MTHFD1L: variants seen among roughly 807,000 people sequenced by gnomAD.
The protein encoded by MTHFD1L is monofunctional C1-tetrahydrofolate synthase, mitochondrial.
In MTHFD1L, 81 loss-of-function variants were observed where a neutral mutation model predicts 119.5. The ratio of observed to expected loss-of-function variants is 0.68; its 90% confidence interval spans 0.57 to 0.82. The LOEUF (loss-of-function observed/expected upper bound fraction) is 0.82, where lower values mean the gene tolerates loss of function less well. MTHFD1L is among the 40% of genes least tolerant of loss of function. The pLI, the probability that MTHFD1L is intolerant of heterozygous loss-of-function variation, is 0.00. For synonymous variants in MTHFD1L, 430 were observed against 475.2 expected (o/e 0.90, Z 1.24); for missense variants, 1,125 against 1,253.4 (o/e 0.90, Z 1.55).
At chr6:150,931,959 C>G (rs1791112593) in intron 11 of MTHFD1L, among the ~76,000 whole-genome samples, 2 of 151,406 alleles carry the variant, frequency 1.3e-5, no homozygotes, top group African/African-American at 4.9e-5. Context: ...GTCAGGAGTT[C>G]GAGACCAGCC....
At chr6:151,059,583 C>T (rs1316870017) in intron 26 of MTHFD1L, among the ~76,000 whole-genome samples, 1 of 152,178 alleles carries the variant, frequency 6.6e-6, no homozygotes, top group Non-Finnish European at 1.5e-5. Context: ...CCATCAGGTC[C>T]TTCCCACAGT....
chr6:151,049,622 A>G (rs1788692276), intron 26 of MTHFD1L, among the ~76,000 whole-genome samples: 1 of 149,538 alleles, frequency 6.7e-6, no homozygotes, highest in South Asian at 2.1e-4. Context: ...AGATCCTGCC[A>G]CTGCACTCCA....
chr6:151,033,278 C>A (rs540579792), intron 24 of MTHFD1L, among the ~76,000 whole-genome samples: 2 of 152,052 alleles, frequency 1.3e-5, no homozygotes, highest in Non-Finnish European at 1.5e-5. Flanking sequence ...CGCTGCCACA[C>A]CCAGCTGATT....
At chr6:151,057,466 A>G (rs1197334432) in intron 26 of MTHFD1L, 2 of 417,190 alleles carry the variant, frequency 4.8e-6, no homozygotes, top group Non-Finnish European at 6.4e-6. Flanking sequence ...CATAATGAAA[A>G]CTCATCTCTA....
chr6:150,930,986 G>T (rs1415556163), intron 11 of MTHFD1L, among the ~76,000 whole-genome samples: 3 of 152,188 alleles, frequency 2.0e-5, no homozygotes, highest in Non-Finnish European at 4.4e-5. Context: ...ATTGGGAATT[G>T]TTCAGGGAAA....
At chr6:151,087,703 G>C (rs764954622) in intron 26 of MTHFD1L, among the ~76,000 whole-genome samples, 4 of 152,120 alleles carry the variant, frequency 2.6e-5, no homozygotes, top group Non-Finnish European at 4.4e-5. Context: ...ATTTCTTAAT[G>C]ACTAGTTTTA....
At chr6:150,886,705 T>C (rs1041308702) in intron 6 of MTHFD1L, among the ~76,000 whole-genome samples, 1 of 151,998 alleles carries the variant, frequency 6.6e-6, no homozygotes, top group Non-Finnish European at 1.5e-5. Flanking sequence ...ATTCAACTAA[T>C]TGGGCCGGCA....
At chr6:150,906,950 G>A (rs1045518794) in intron 8 of MTHFD1L, among the ~76,000 whole-genome samples, 5 of 151,254 alleles carry the variant, frequency 3.3e-5, no homozygotes, top group African/African-American at 1.2e-4. Context: ...CAAACAGAAA[G>A]CATGTACTAA....
chr6:151,059,237 G>C (rs1317922309), intron 26 of MTHFD1L, among the ~76,000 whole-genome samples: 1 of 152,160 alleles, frequency 6.6e-6, no homozygotes, highest in African/African-American at 2.4e-5. Flanking sequence ...TTTAGATGCA[G>C]TCTCACTCTT....
intron 7 of MTHFD1L, among the ~76,000 whole-genome samples, chr6:150,897,448 G>A (rs991327682): frequency 2.6e-5 from 4 of 152,184 alleles, no homozygotes; most frequent in Admixed American, 6.5e-5. Flanking sequence ...ATGGGATTGC[G>A]AAGCCAGTTC....
chr6:151,022,627 G>T (rs1394492530), intron 24 of MTHFD1L, among the ~76,000 whole-genome samples: 1 of 152,164 alleles, frequency 6.6e-6, no homozygotes, highest in Non-Finnish European at 1.5e-5. Context: ...GGTTGTCCTT[G>T]TCCCTGGAAA....
chr6:150,905,527 T>G lies in MTHFD1L; in HGVS notation c.781-123T>G, dbSNP rs992760086. 1.0e-5 allele frequency: 7 copies of G among 691,902 alleles called. No homozygotes were observed. The South Asian group carries it at 1.2e-4, about 12-fold the overall frequency. 42.9% of individuals were successfully genotyped at this position (691,902 alleles called of 1,614,324 possible). A position where few individuals can be genotyped will look rare whatever the true frequency, so the allele number is the denominator to read the frequency against. ...AGGAATTAGTAAAGCGATTCCATCCTTGTCAGCAGCTTGGAACAAAGCTGT... is the reference window on the plus strand; with the variant it reads ...AGGAATTAGTAAAGCGATTCCATCCGTGTCAGCAGCTTGGAACAAAGCTGT... On this transcript the variant is annotated intron_variant, in intron 7 of 27. Transcript: ENST00000367321.
rs764577111 is a variant in MTHFD1L at position 150,926,186 on chromosome 6, T to C, written c.1147T>C (p.Leu383=). The part of the protein sequence containing the change: ...AVDVLAKEIG[L]LADEIEIYGK... ...GGATGTCCTTGCCAAGGAGATTGGA[T>C]TGCTTGCAGATGAAATTGAAATCTA... The change falls in exon 11 of 28, where the codon TTG becomes CTG. Residue 383 remains leucine (L), a synonymous_variant. Transcript: ENST00000367321. This position sits in a 1 kb window ranked among gnomAD's most constrained non-coding sequence, Gnocchi z 4.3. 6.2e-7 allele frequency: 1 copy of C among 1,614,116 alleles called. No individual in the cohort carries two copies. The highest frequency in any genetic ancestry group is 1.7e-5 in the Admixed American group (1 of 60,012).
intron 24 of MTHFD1L, among the ~76,000 whole-genome samples, chr6:151,024,305 C>A (rs138997795): frequency 6.6e-6 from 1 of 151,934 alleles, no homozygotes. Context: ...TTAGGGAGGC[C>A]AAGGTAGGAG....
At chr6:150,904,100 C>T (rs947708863) in intron 7 of MTHFD1L, among the ~76,000 whole-genome samples, 1 of 152,176 alleles carries the variant, frequency 6.6e-6, no homozygotes, top group Non-Finnish European at 1.5e-5. Context: ...AAGGCATCAC[C>T]TGATGCACCC....
At chr6:150,871,528 A>C (rs1779499991) in intron 1 of MTHFD1L, among the ~76,000 whole-genome samples, 1 of 132,688 alleles carries the variant, frequency 7.5e-6, no homozygotes, top group East Asian at 2.2e-4. Flanking sequence ...TTGAGATGGA[A>C]TCTTGCTCTG....
intron 7 of MTHFD1L, among the ~76,000 whole-genome samples, chr6:150,895,089 G>T (rs1275260531): frequency 6.6e-6 from 1 of 152,152 alleles, no homozygotes; most frequent in African/African-American, 2.4e-5. Flanking sequence ...TTTGGGCAGG[G>T]CTAGGGAACC....
chr6:151,047,764 T>C (rs982463881), intron 26 of MTHFD1L, among the ~76,000 whole-genome samples: 2 of 152,204 alleles, frequency 1.3e-5, no homozygotes, highest in African/African-American at 4.8e-5. Flanking sequence ...CTGTGTTTCT[T>C]CTCTGAATGC....
intron 17 of MTHFD1L, among the ~76,000 whole-genome samples, chr6:150,957,628 A>G (rs1174987313): frequency 6.6e-6 from 1 of 152,124 alleles, no homozygotes; most frequent in East Asian, 1.9e-4. Flanking sequence ...AACAGTAGAG[A>G]TGGTTGCATA....
Sources: allele counts gnomAD v4.1 joint callset (sites outside exome capture counted in the v4.1 genomes callset), GRCh38; gene constraint gnomAD v4.1.1; non-coding constraint Gnocchi (gnomAD v3.1); transcripts MANE v1.5; gene names NCBI Gene and HGNC (gene_info 2026-07-23, HGNC 2026-07-21).